OSBPL9: variants seen among roughly 807,000 people sequenced by gnomAD.
The protein encoded by OSBPL9 is oxysterol binding protein like 9.
Under a neutral mutation model 106.6 loss-of-function variants are expected in OSBPL9, and 40 were observed. The ratio of observed to expected loss-of-function variants is 0.38; its 90% CI spans 0.29 to 0.49. OSBPL9 has a LOEUF of 0.49. OSBPL9 is among the 20% of genes least tolerant of loss of function. OSBPL9 has a pLI of 0.97. For synonymous variants in OSBPL9, 269 were observed against 295.4 expected, an observed-to-expected ratio of 0.91 and a Z score of 0.92; for missense variants, 609 against 887.2, an observed-to-expected ratio of 0.69 and a Z score of 3.98.
At chr1:51,707,295 G>A (rs113451389) in intron 3 of OSBPL9, 4 of 206,604 alleles carry the variant, frequency 1.9e-5, no homozygotes, top group South Asian at 1.2e-4. Context: ...ACTTAAAGTC[G>A]GAGGAGACAC....
chr1:51,555,479 G>T, the OSBPL9 span, among the ~76,000 whole-genome samples: 1 of 151,964 alleles, frequency 6.6e-6, no homozygotes, highest in South Asian at 2.1e-4. Flanking sequence ...AACAAAAAAG[G>T]TTCTCTCCTT....
rs544423888 is a variant in OSBPL9 at position 51,586,637 on chromosome 1, T to C, written c.-423+9381T>C. ...ACAATTTTAAGGCTTTGGCCAGAAT[T>C]GCATACTGTGGCTTAGAAAGGCTAT... On this transcript the variant is annotated intron_variant, in intron 1 of 25. Coordinates refer to the OSBPL9 transcript ENST00000371714. Among the ~76,000 whole-genome samples, 3 of 152,354 alleles carry C rather than the reference T, an allele frequency of 2.0e-5. No individual in the cohort carries two copies. The South Asian group carries it at 6.2e-4, about 32-fold the overall frequency.
At chr1:51,588,008 C>G (rs1184301334) in intron 1 of OSBPL9, among the ~76,000 whole-genome samples, 1 of 152,246 alleles carries the variant, frequency 6.6e-6, no homozygotes, top group Admixed American at 6.5e-5. Context: ...CCTCTCTGAA[C>G]CTGTTTCCTC....
intron 1 of OSBPL9, among the ~76,000 whole-genome samples, chr1:51,620,613 A>G (rs1452732536): frequency 6.6e-6 from 1 of 152,138 alleles, no homozygotes; most frequent in African/African-American, 2.4e-5. Context: ...AAAGGGAATA[A>G]AAGTTTTTTG....
chr1:51,686,816 C>T (rs1272898313), intron 3 of OSBPL9, among the ~76,000 whole-genome samples: 1 of 152,204 alleles, frequency 6.6e-6, no homozygotes, highest in Non-Finnish European at 1.5e-5. Flanking sequence ...CCTGTTCTAA[C>T]ACACAGTTCT....
At chr1:51,644,017 T>C (rs559220108) in intron 1 of OSBPL9, among the ~76,000 whole-genome samples, 1 of 142,174 alleles carries the variant, frequency 7.0e-6, no homozygotes, top group South Asian at 2.2e-4. Context: ...GAGGCAGAGG[T>C]TACAGTGAGC....
rs1333534956 is a variant in OSBPL9, at chr1:51,787,807, T to C, written c.*18T>C. Reference sequence around the variant, plus strand: ...AGCATTAGGTTGGAAGATGCAAAGTTTATACCTGATGATCAGGGCAGTAGG... The same window carrying C: ...AGCATTAGGTTGGAAGATGCAAAGTCTATACCTGATGATCAGGGCAGTAGG... On this transcript the variant is annotated 3_prime_UTR_variant, in exon 24 of 24. Transcript: ENST00000428468. 3 of 1,591,970 alleles carry C rather than the reference T, an allele frequency of 1.9e-6. No homozygotes were observed. The East Asian group carries it at 6.7e-5, about 36-fold the overall frequency.
the OSBPL9 span, among the ~76,000 whole-genome samples, chr1:51,568,122 T>C: frequency 6.6e-6 from 1 of 152,216 alleles, no homozygotes; most frequent in African/African-American, 2.4e-5. Context: ...GAAGGAGTGC[T>C]TGCCAGAGCC....
intron 1 of OSBPL9, among the ~76,000 whole-genome samples, chr1:51,632,655 G>A (rs952486602): frequency 1.7e-5 from 2 of 118,478 alleles, no homozygotes; most frequent in Non-Finnish European, 3.8e-5. Flanking sequence ...TGGAAAGCCT[G>A]CGATGGGGGG....
chr1:51,646,397 T>C (rs1646155320), intron 1 of OSBPL9, among the ~76,000 whole-genome samples: 1 of 152,210 alleles, frequency 6.6e-6, no homozygotes. Flanking sequence ...ATTGTTTTCT[T>C]AGTTATATCT....
chr1:51,605,991 G>A (rs1278271038), intron 2 of OSBPL9, among the ~76,000 whole-genome samples: 2 of 147,000 alleles, frequency 1.4e-5, no homozygotes, highest in Admixed American at 1.4e-4. Flanking sequence ...GAAAGAGAGC[G>A]AGAGAGAGAG....
chr1:51,530,193 C>CAAAAAAAAAAAAAAA, the OSBPL9 span, among the ~76,000 whole-genome samples: 2 of 55,632 alleles, frequency 3.6e-5, no homozygotes, highest in African/African-American at 8.5e-5. Context: ...AAAAAAAAAA[C>CAAAAAAAAAAAAAAA]AAAAAAAAAA....
chr1:51,785,945 T>C, intron 21 of OSBPL9, 59 bp downstream of exon 21: 1 of 1,409,060 alleles, frequency 7.1e-7, no homozygotes, highest in Non-Finnish European at 9.9e-7. Flanking sequence ...TCTATCCCTT[T>C]TTCTGGCTTC....
chr1:51,530,205 A>AAAAAAAG, the OSBPL9 span, among the ~76,000 whole-genome samples: 1 of 139,890 alleles, frequency 7.1e-6, no homozygotes, highest in African/African-American at 2.6e-5. Flanking sequence ...AAAAAAAAAA[A>AAAAAAAG]CCTCTAAGAA....
intron 1 of OSBPL9, among the ~76,000 whole-genome samples, chr1:51,597,014 C>T (rs1043238093): frequency 1.3e-5 from 2 of 152,184 alleles, no homozygotes; most frequent in Admixed American, 1.3e-4. Context: ...TCAGGGAGGT[C>T]CTCCTTGAGG....
In OSBPL9 at chr1:51,748,358, AT is replaced by A; in HGVS notation, c.463-6del. 1 of 1,518,586 alleles carries A rather than the reference AT, an allele frequency of 6.6e-7. No individual in the cohort carries two copies. Among genetic ancestry groups the A allele is most frequent in the South Asian group, 1.4e-5 (1 of 74,006 alleles). The allele number at this position is 1,518,586 out of a possible 1,614,324, so 94.1% of individuals were successfully genotyped here. On this transcript the variant is annotated splice_polypyrimidine_tract_variant and intron_variant, in intron 6 of 23. Transcript: ENST00000428468. ...CTGATTATTTCTGTTTAAACTTATT[AT>A]TTTTCACAGAAAATTGAAACTCTCA... is the stretch of plus-strand genomic sequence containing the variant.
At chr1:51,709,046 C>T (rs572552972) in intron 3 of OSBPL9, 4 of 152,380 alleles carry the variant, frequency 2.6e-5, no homozygotes, top group Admixed American at 6.5e-5. Flanking sequence ...TCCCTCCCTC[C>T]GCTGCCCGCT....
At chr1:51,702,948 AG>A (rs1657628815) in intron 3 of OSBPL9, among the ~76,000 whole-genome samples, 1 of 152,128 alleles carries the variant, frequency 6.6e-6, no homozygotes, top group African/African-American at 2.4e-5. Context: ...AAGATCAGTT[AG>A]TTGTAGATGT....
intron 1 of OSBPL9, among the ~76,000 whole-genome samples, chr1:51,648,039 G>A (rs527386304): frequency 9.2e-5 from 14 of 152,252 alleles, no homozygotes; most frequent in African/African-American, 3.1e-4. Flanking sequence ...TTAAGGTACC[G>A]GGCCTTGTAG....
Sources: allele counts gnomAD v4.1 joint callset (sites outside exome capture counted in the v4.1 genomes callset), GRCh38; gene constraint gnomAD v4.1.1; transcripts MANE v1.5; gene names NCBI Gene and HGNC (gene_info 2026-07-23, HGNC 2026-07-21).